The following HPSE2 variants were observed in gnomAD, a reference collection of about 807,000 sequenced individuals.
The protein encoded by HPSE2 is inactive heparanase-2.
HPSE2 carries 38 observed loss-of-function variants against 60.5 expected under a neutral mutation model. The observed-to-expected ratio is 0.63, with a 90% CI of 0.48 to 0.82. HPSE2 has a LOEUF of 0.82. HPSE2 is among the 40% of genes least tolerant of loss of function. The pLI, the probability that HPSE2 is intolerant of heterozygous loss-of-function variation, is 0.00. For synonymous variants in HPSE2, 295 were observed against 293.2 expected (o/e 1.01, Z -0.06); for missense variants, 713 against 740.4 (o/e 0.96, Z 0.43).
intron 2 of HPSE2, among the ~76,000 whole-genome samples, chr10:99,196,479 A>G (rs982266921): frequency 2.6e-5 from 4 of 152,174 alleles, no homozygotes; most frequent in Non-Finnish European, 5.9e-5. Context: ...ATTAATAACC[A>G]GAATACATAA....
intron 2 of HPSE2, among the ~76,000 whole-genome samples, chr10:99,202,314 G>A (rs780439488): frequency 2.6e-4 from 39 of 152,150 alleles, no homozygotes; most frequent in Non-Finnish European, 5.4e-4. Flanking sequence ...GCTTTTAAAT[G>A]TTATAAGGGT....
Position 99,235,774 on chromosome 10 carries a change from G to A in HPSE2, c.29C>T (p.Ala10Val), listed in dbSNP as rs1564914193. ...GGGGCGGGAGTTGCTGGAGGGCATG[G>A]CTTCAGGGAAGGCACAAAGCACCCT... MRVLCAFPE[A>V]MPSSNSRPPA... Residue 10 changes from alanine to valine, a missense_variant, in exon 1 of 12, where the codon GCC (alanine) becomes GTC (valine). Transcript: ENST00000370552. The A allele has an allele frequency of 6.2e-7, 1 of 1,613,764 alleles. No individual in the cohort carries two copies. The highest frequency in any genetic ancestry group is 8.5e-7 in the Non-Finnish European group (1 of 1,179,936).
intron 9 of HPSE2, among the ~76,000 whole-genome samples, chr10:98,610,195 G>A (rs966157116): frequency 1.3e-5 from 2 of 152,016 alleles, no homozygotes; most frequent in African/African-American, 4.8e-5. Flanking sequence ...TTTGTAACTG[G>A]GTGTCCTTGC....
chr10:98,884,184 G>C (rs1953102565), intron 3 of HPSE2, among the ~76,000 whole-genome samples: 1 of 152,240 alleles, frequency 6.6e-6, no homozygotes, highest in African/African-American at 2.4e-5. Context: ...TGAAGGCTGA[G>C]AGAGGTGAGG....
chr10:98,551,097 G>C (rs1943851166), intron 9 of HPSE2, among the ~76,000 whole-genome samples: 1 of 152,176 alleles, frequency 6.6e-6, no homozygotes, highest in Non-Finnish European at 1.5e-5. Flanking sequence ...GGTGGGAAAG[G>C]GGAAGCAGCA....
At position 99,138,505 on chromosome 10, in the gene HPSE2, T is replaced by C. The variant is rs1263570229; in HGVS notation, c.610+5733A>G. Reference sequence around the variant, plus strand: ...TGGAACCAACCCAATTGTCCATCCATAATAGACTGTATAAAGAAAATGTGG... The same window carrying C: ...TGGAACCAACCCAATTGTCCATCCACAATAGACTGTATAAAGAAAATGTGG... On this transcript the variant is annotated intron_variant, in intron 3 of 11. Coordinates refer to ENST00000370552, the MANE Select transcript of HPSE2 (RefSeq NM_021828.5). 2.0e-5 allele frequency among the ~76,000 whole-genome samples: 3 copies of C among 152,160 alleles called. No individual in the cohort carries two copies. In the East Asian group the frequency reaches 5.8e-4, roughly 29 times the overall value.
At chr10:98,483,153 A>G (rs1336340521) in intron 10 of HPSE2, among the ~76,000 whole-genome samples, 1 of 152,220 alleles carries the variant, frequency 6.6e-6, no homozygotes, top group Non-Finnish European at 1.5e-5. Context: ...ATATCTTGAG[A>G]TATGATAATA....
At chr10:98,712,755 C>T (rs1948705362) in intron 5 of HPSE2, among the ~76,000 whole-genome samples, 1 of 152,130 alleles carries the variant, frequency 6.6e-6, no homozygotes, top group South Asian at 2.1e-4. Context: ...AGAAAACTGT[C>T]TAGCTTTCTA....
intron 9 of HPSE2, among the ~76,000 whole-genome samples, chr10:98,609,839 C>CTTTTT (rs34422929): frequency 7.9e-5 from 10 of 126,170 alleles, no homozygotes; most frequent in African/African-American, 1.6e-4. Context: ...TCTTCTTCTT[C>CTTTTT]TTTTTTTTTT....
At chr10:99,267,818 T>C in the HPSE2 span, among the ~76,000 whole-genome samples, 1 of 146,688 alleles carries the variant, frequency 6.8e-6, no homozygotes, top group Admixed American at 6.8e-5. Flanking sequence ...AAACACTAAA[T>C]GTAAGAATAA....
chr10:98,803,999 G>T (rs1228173764), intron 3 of HPSE2, among the ~76,000 whole-genome samples: 2 of 151,654 alleles, frequency 1.3e-5, no homozygotes, highest in East Asian at 1.9e-4. Context: ...TTATTTCATT[G>T]AGCAGTGGTT....
chr10:99,074,721 A>T (rs958535137), intron 3 of HPSE2, among the ~76,000 whole-genome samples: 1 of 152,090 alleles, frequency 6.6e-6, no homozygotes, highest in Non-Finnish European at 1.5e-5. Flanking sequence ...TTACTGATTC[A>T]ATCTCTTTAC....
At chr10:98,580,842 G>A (rs372017736) in intron 9 of HPSE2, among the ~76,000 whole-genome samples, 42 of 73,834 alleles carry the variant, frequency 5.7e-4, no homozygotes, top group Non-Finnish European at 1.1e-3. Context: ...ATATATGTGT[G>A]TGTGTGTGTG....
rs187745297 is a variant in HPSE2 at position 98,468,423 on chromosome 10, T to C, written c.1614-8684A>G. 3.5e-3 allele frequency among the ~76,000 whole-genome samples: 526 copies of C among 152,236 alleles called. 1 individual carries two copies. The highest frequency in any genetic ancestry group is 6.6e-3 in the Non-Finnish European group (451 of 68,014). ...TTACTTCAAGTGTGTCCTGAACTTT[T>C]CTTCTATGTGCTTTTTGCTCTACCT... On this transcript the variant is annotated intron_variant, in intron 11 of 11. Coordinates refer to ENST00000370552, the MANE Select transcript of HPSE2 (RefSeq NM_021828.5).
At chr10:99,294,556 A>G in the HPSE2 span, among the ~76,000 whole-genome samples, 1 of 150,852 alleles carries the variant, frequency 6.6e-6, no homozygotes, top group Non-Finnish European at 1.5e-5. Flanking sequence ...AGGACAGAGC[A>G]ATACTCATTC....
intron 9 of HPSE2, among the ~76,000 whole-genome samples, chr10:98,515,714 A>T (rs1942580174): frequency 6.6e-6 from 1 of 152,196 alleles, no homozygotes; most frequent in Admixed American, 6.5e-5. Flanking sequence ...TTTAAAATGA[A>T]AAAAAGTTTT....
intron 3 of HPSE2, among the ~76,000 whole-genome samples, chr10:98,953,858 T>A (rs1955436905): frequency 6.6e-6 from 1 of 152,184 alleles, no homozygotes; most frequent in Non-Finnish European, 1.5e-5. Flanking sequence ...AGCTTCTTCA[T>A]CTTTAAACTG....
At chr10:99,009,409 G>C (rs922774247) in intron 3 of HPSE2, among the ~76,000 whole-genome samples, 3 of 152,082 alleles carry the variant, frequency 2.0e-5, no homozygotes, top group African/African-American at 7.2e-5. Context: ...GACAGACTGA[G>C]ATCCAGTCTC....
chr10:98,827,555 T>G (rs1391298361), intron 3 of HPSE2, among the ~76,000 whole-genome samples: 3 of 152,132 alleles, frequency 2.0e-5, no homozygotes, highest in Non-Finnish European at 4.4e-5. Context: ...AACATAAAAC[T>G]GAAACACCCT....
Sources: gnomAD v4.1 joint callset for allele counts (sites outside exome capture counted in the v4.1 genomes callset) on GRCh38, gnomAD v4.1.1 for gene constraint, MANE v1.5 for transcripts, NCBI Gene and HGNC (gene_info 2026-07-23, HGNC 2026-07-21) for gene names.